Variants in DLGAP2 observed in about 807,000 individuals in gnomAD.
DLGAP2 encodes the protein disks large-associated protein 2.
Under a neutral mutation model 100.3 loss-of-function variants are expected in DLGAP2, and 26 were observed. The observed-to-expected ratio is 0.26, with a 90% CI of 0.19 to 0.36. The LOEUF is 0.36. Among genes scored for constraint, DLGAP2 ranks in the 10% least tolerant of loss-of-function variants. DLGAP2 has a pLI of 1.00. For synonymous variants in DLGAP2, 886 were observed against 630.1 expected, an observed-to-expected ratio of 1.41 and a Z score of -6.08; for missense variants, 1,858 against 1,453.2, an observed-to-expected ratio of 1.28 and a Z score of -4.53.
intron 3 of DLGAP2, among the ~76,000 whole-genome samples, chr8:1,438,307 T>C (rs1797711769): frequency 6.6e-6 from 1 of 152,200 alleles, no homozygotes; most frequent in South Asian, 2.1e-4. Context: ...GTAAGGGGTC[T>C]TTCCATTACT....
intron 3 of DLGAP2, among the ~76,000 whole-genome samples, chr8:1,457,607 A>T (rs1234542698): frequency 1.3e-5 from 2 of 152,178 alleles, no homozygotes; most frequent in Non-Finnish European, 2.9e-5. Context: ...AAATAAACTG[A>T]TATCTGGTAT....
chr8:998,913 T>C (rs779044224), intron 2 of DLGAP2, among the ~76,000 whole-genome samples: 4 of 152,182 alleles, frequency 2.6e-5, no homozygotes, highest in Non-Finnish European at 4.4e-5. Flanking sequence ...TTTCCTGCAT[T>C]GTTCATGTGT....
chr8:1,687,273 T>C (rs1799139814), intron 12 of DLGAP2, among the ~76,000 whole-genome samples: 1 of 152,186 alleles, frequency 6.6e-6, no homozygotes, highest in African/African-American at 2.4e-5. Flanking sequence ...GAATTGGAAT[T>C]ATAGAAAAAA....
At chr8:1,359,667 C>A (rs1801934353) in intron 3 of DLGAP2, among the ~76,000 whole-genome samples, 1 of 152,220 alleles carries the variant, frequency 6.6e-6, no homozygotes, top group Admixed American at 6.5e-5. Context: ...GGCAGATAGC[C>A]ATCCCCTCCC....
At chr8:1,040,994 C>A (rs1017439711) in intron 2 of DLGAP2, among the ~76,000 whole-genome samples, 1 of 152,162 alleles carries the variant, frequency 6.6e-6, no homozygotes, top group African/African-American at 2.4e-5. Context: ...ATACATAGGA[C>A]ATACCAAAAC....
chr8:1,516,720 AGAGT>A (rs751432936), intron 4 of DLGAP2, among the ~76,000 whole-genome samples: 4 of 151,290 alleles, frequency 2.6e-5, no homozygotes, highest in Non-Finnish European at 5.9e-5. Context: ...ACTGAGTGAA[AGAGT>A]GAGTGACTGA....
chr8:771,264 G>C (rs1224149373), intron 1 of DLGAP2, among the ~76,000 whole-genome samples: 1 of 152,174 alleles, frequency 6.6e-6, no homozygotes, highest in South Asian at 2.1e-4. Flanking sequence ...TCAAAACTAA[G>C]AGATATGAGT....
intron 2 of DLGAP2, among the ~76,000 whole-genome samples, chr8:1,211,575 T>C (rs766133400): frequency 6.6e-5 from 10 of 152,252 alleles, no homozygotes; most frequent in African/African-American, 2.2e-4. Flanking sequence ...ACCGTATCCA[T>C]TAATCAATAC....
At chr8:794,106 A>G (rs78605509) in intron 1 of DLGAP2, among the ~76,000 whole-genome samples, 20,324 of 149,334 alleles carry the variant, frequency 0.14, 1,578 homozygotes, top group East Asian at 0.23. Context: ...GCTGCAGGAC[A>G]GGGTCCCTTG....
At chr8:819,287 A>G (rs967361621) in intron 1 of DLGAP2, among the ~76,000 whole-genome samples, 1 of 152,234 alleles carries the variant, frequency 6.6e-6, no homozygotes, top group African/African-American at 2.4e-5. Context: ...GACTATATCA[A>G]TAGATATCGT....
intron 3 of DLGAP2, chr8:1,381,162 C>G (rs1244434665): frequency 6.6e-6 from 1 of 152,080 alleles, no homozygotes; most frequent in Non-Finnish European, 1.5e-5. Context: ...CACGGCTGGA[C>G]AAGCAACCAG....
At chr8:1,482,550 A>C (rs1463858887) in intron 3 of DLGAP2, among the ~76,000 whole-genome samples, 1 of 152,238 alleles carries the variant, frequency 6.6e-6, no homozygotes, top group East Asian at 1.9e-4. Flanking sequence ...TGTAGTTAAC[A>C]AAAAAGGCTC....
chr8:1,675,780 G>A (rs936632546), intron 10 of DLGAP2, among the ~76,000 whole-genome samples: 2 of 151,988 alleles, frequency 1.3e-5, no homozygotes, highest in African/African-American at 4.8e-5. Flanking sequence ...TCATATCAAT[G>A]GCTTAACTAA....
intron 2 of DLGAP2, among the ~76,000 whole-genome samples, chr8:1,101,154 C>T (rs1202998188): frequency 6.6e-6 from 1 of 152,184 alleles, no homozygotes; most frequent in Non-Finnish European, 1.5e-5. Flanking sequence ...ATGGCAGACG[C>T]AAATGTTAAG....
intron 2 of DLGAP2, among the ~76,000 whole-genome samples, chr8:1,042,219 C>T (rs904485586): frequency 4.6e-5 from 7 of 152,170 alleles, no homozygotes; most frequent in Non-Finnish European, 8.8e-5. Flanking sequence ...GCTGCTCACC[C>T]CCTGGCTGTG....
chr8:1,389,981 C>G (rs892943212), intron 3 of DLGAP2, among the ~76,000 whole-genome samples: 1 of 151,986 alleles, frequency 6.6e-6, no homozygotes, highest in South Asian at 2.1e-4. Context: ...CAGGAGCAAC[C>G]GCAGGCTCTC....
At chr8:1,063,576 T>TA (rs905243688) in intron 2 of DLGAP2, among the ~76,000 whole-genome samples, 3 of 151,010 alleles carry the variant, frequency 2.0e-5, no homozygotes, top group Admixed American at 6.6e-5. Context: ...TGCACCTCTT[T>TA]AAATGGTATT....
intron 2 of DLGAP2, among the ~76,000 whole-genome samples, chr8:1,206,990 GA>G (rs1798010427): frequency 6.6e-6 from 1 of 152,076 alleles, no homozygotes; most frequent in Admixed American, 6.5e-5. Context: ...CACCCTCCCA[GA>G]GAGGCTCCTC....
At chr8:996,419 G>C (rs1483274002) in intron 2 of DLGAP2, among the ~76,000 whole-genome samples, 2 of 151,892 alleles carry the variant, frequency 1.3e-5, no homozygotes, top group African/African-American at 4.8e-5. Flanking sequence ...TGTGTGCTTT[G>C]AGCAAAGCAA....
Sources: allele counts gnomAD v4.1 joint callset (sites outside exome capture counted in the v4.1 genomes callset), GRCh38; gene constraint gnomAD v4.1.1; transcripts MANE v1.5; gene names NCBI Gene and HGNC (gene_info 2026-07-23, HGNC 2026-07-21).